STRIP2: variants seen among roughly 807,000 people sequenced by gnomAD.
The protein encoded by STRIP2 is striatin-interacting protein 2.
STRIP2 carries 84 observed loss-of-function variants against 107.1 expected under a neutral mutation model. That is an observed-to-expected ratio of 0.78 (90% CI 0.66 to 0.94). The LOEUF (loss-of-function observed/expected upper bound fraction) is 0.94. Among genes scored for constraint, STRIP2 ranks in the 40% least tolerant of loss-of-function variants. The pLI, the probability that STRIP2 is intolerant of heterozygous loss-of-function variation, is 0.00. For missense variants in STRIP2, 888 were observed against 1,034.2 expected (o/e 0.86, Z 1.94); for synonymous variants, 394 against 400.4 (o/e 0.98, Z 0.19).
At chr7:129,454,554 T>C in intron 7 of STRIP2, 27 bp downstream of exon 7, 1 of 1,452,080 alleles carries the variant, frequency 6.9e-7, no homozygotes, top group African/African-American at 1.4e-5. Flanking sequence ...GAGGAAGGTG[T>C]GGATGGGGTG....
chr7:129,459,811 C>CCT (rs1230543892), intron 12 of STRIP2, among the ~76,000 whole-genome samples: 1 of 152,082 alleles, frequency 6.6e-6, no homozygotes, highest in African/African-American at 2.4e-5. Context: ...ATTTCTTTTT[C>CCT]CTCTTCCCAT....
chr7:129,434,442 T>G lies in STRIP2; in HGVS notation c.-31T>G, dbSNP rs1366065621. Reference sequence around the variant, plus strand: ...TAGGGTCGCCTCCGGCAAAGCGAGCTGAACCCTGAGGGGAGCCGCTGACCA... The same window carrying G: ...TAGGGTCGCCTCCGGCAAAGCGAGCGGAACCCTGAGGGGAGCCGCTGACCA... On this transcript the variant is annotated 5_prime_UTR_variant, in exon 1 of 21. Transcript: ENST00000249344. The G allele has an allele frequency of 6.8e-7, 1 of 1,470,816 alleles. No individual in the cohort carries two copies. Among genetic ancestry groups the G allele is most frequent in the Non-Finnish European group, 9.0e-7 (1 of 1,116,580 alleles). The allele number at this position is 1,470,816 out of a possible 1,614,324, so 91.1% of individuals were successfully genotyped here. A position where few individuals can be genotyped will look rare whatever the true frequency, so the allele number is the denominator to read the frequency against.
chr7:129,439,943 A>C, intron 1 of STRIP2, 79 bp from the exon 2 acceptor site: 1 of 1,137,084 alleles, frequency 8.8e-7, no homozygotes, highest in Non-Finnish European at 1.3e-6. Context: ...GGGGAAGAAG[A>C]TAAATAAGGG....
chr7:129,464,165 TGCTGGATACTA>T (rs1798613421), intron 15 of STRIP2, 24 bp downstream of exon 15: 1 of 1,548,114 alleles, frequency 6.5e-7, no homozygotes, highest in Non-Finnish European at 8.9e-7. Flanking sequence ...CGGGGGCAGC[TGCTGGATACTA>T]GCTGTCTTAT....
At chr7:129,437,847 C>T (rs112936167) in intron 1 of STRIP2, among the ~76,000 whole-genome samples, 3 of 150,442 alleles carry the variant, frequency 2.0e-5, no homozygotes, top group Non-Finnish European at 4.4e-5. Context: ...ACTCTGTCAC[C>T]CAGGCTGGAG....
chr7:129,464,924 A>T (rs1272772433), intron 16 of STRIP2, among the ~76,000 whole-genome samples, 186 bp downstream of exon 16: 1 of 152,110 alleles, frequency 6.6e-6, no homozygotes, highest in Non-Finnish European at 1.5e-5. Flanking sequence ...GAACTGTCCT[A>T]GAAAGGTGCA....
In STRIP2 at chr7:129,464,092, A is replaced by G; in HGVS notation, c.1600A>G (p.Lys534Glu). ...LLAAAPTSKA[K>E]TDSINILADV... ...GGCTGCAGCTCCCACCTCTAAGGCT[A>G]AGACAGACTCTATCAATATCCTGGC... The change falls in exon 15 of 21, where the codon AAG becomes GAG. Residue 534 changes from lysine to glutamate, a missense_variant. Transcript: ENST00000249344. 1 of 1,613,458 alleles carries G rather than the reference A, an allele frequency of 6.2e-7. No individual in the cohort carries two copies. The highest frequency in any genetic ancestry group is 8.5e-7 in the Non-Finnish European group (1 of 1,180,018).
At chr7:129,438,828 A>C (rs1306645140) in intron 1 of STRIP2, among the ~76,000 whole-genome samples, 2 of 152,212 alleles carry the variant, frequency 1.3e-5, no homozygotes, top group Admixed American at 6.5e-5. Flanking sequence ...ATGTACTTAG[A>C]ATTATAATTT....
chr7:129,451,267 A>G (rs971995412), intron 3 of STRIP2, among the ~76,000 whole-genome samples: 2 of 152,070 alleles, frequency 1.3e-5, no homozygotes, highest in Admixed American at 6.6e-5. Flanking sequence ...TTGGGCATGT[A>G]AGACTGGGAA....
intron 4 of STRIP2, among the ~76,000 whole-genome samples, chr7:129,452,223 A>T (rs1349187600): frequency 6.6e-6 from 1 of 152,142 alleles, no homozygotes; most frequent in Non-Finnish European, 1.5e-5. Flanking sequence ...TGCTGTGAGT[A>T]ATTTGGAGAT....
chr7:129,474,614 A>G (rs1038327746), intron 18 of STRIP2, among the ~76,000 whole-genome samples: 2 of 152,038 alleles, frequency 1.3e-5, no homozygotes, highest in African/African-American at 2.4e-5. Context: ...GGTTCAAGCG[A>G]TTCTCCTGCC....
intron 17 of STRIP2, among the ~76,000 whole-genome samples, chr7:129,468,832 G>A (rs925166239): frequency 5.3e-5 from 8 of 152,210 alleles, no homozygotes; most frequent in African/African-American, 1.4e-4. Flanking sequence ...ACCTAGGACA[G>A]CAATGCAGCT....
Position 129,480,824 on chromosome 7 carries a change from T to C in STRIP2, c.1984T>C (p.Phe662Leu), listed in dbSNP as rs140001174. Residue 662 changes from phenylalanine to leucine, a missense_variant, in exon 19 of 21, where the codon TTT (phenylalanine) becomes CTT (leucine). Physicochemically the swap from Phe to Leu is conservative, Grantham distance 22. Coordinates refer to ENST00000249344, the MANE Select transcript of STRIP2 (RefSeq NM_020704.3). The part of the protein sequence containing the change: ...DNSQFCWRNL[F>L]SCINLLRLLN... ...CAGCCAGTTCTGCTGGAGGAACCTC[T>C]TTTCCTGCATCAACCTCCTGAGGCT... 30 of 1,613,926 alleles carry C rather than the reference T, an allele frequency of 1.9e-5. No homozygotes were observed. In the African/African-American group the frequency reaches 4.0e-4, roughly 22 times the overall value.
At chr7:129,470,517 G>A in intron 17 of STRIP2, 132 bp from the exon 18 acceptor site, 1 of 688,310 alleles carries the variant, frequency 1.5e-6, no homozygotes, top group Non-Finnish European at 2.6e-6. Flanking sequence ...CCTCATTTCA[G>A]CTGAGGTCAC....
intron 17 of STRIP2, among the ~76,000 whole-genome samples, chr7:129,468,083 T>A (rs1216581407): frequency 6.6e-6 from 1 of 152,184 alleles, no homozygotes; most frequent in Non-Finnish European, 1.5e-5. Flanking sequence ...CAGGCTTCCC[T>A]GTGAATACAA....
At chr7:129,476,582 C>T (rs1370319868) in intron 18 of STRIP2, among the ~76,000 whole-genome samples, 3 of 151,114 alleles carry the variant, frequency 2.0e-5, no homozygotes, top group South Asian at 2.1e-4. Context: ...CCAGACGGGG[C>T]GGAGGGGCAG....
chr7:129,471,100 C>T (rs1350854573), intron 18 of STRIP2, among the ~76,000 whole-genome samples: 2 of 152,058 alleles, frequency 1.3e-5, no homozygotes, highest in African/African-American at 4.8e-5. Flanking sequence ...TTCTTATTTT[C>T]ATATAGGTAA....
At chr7:129,454,805 A>T (rs1798298744) in intron 7 of STRIP2, among the ~76,000 whole-genome samples, 1 of 152,188 alleles carries the variant, frequency 6.6e-6, no homozygotes, top group South Asian at 2.1e-4. Flanking sequence ...CTCTATCACG[A>T]GTCCCACATG....
At chr7:129,475,486 G>C (rs1176694634) in intron 18 of STRIP2, among the ~76,000 whole-genome samples, 3 of 150,126 alleles carry the variant, frequency 2.0e-5, no homozygotes, top group African/African-American at 4.9e-5. Flanking sequence ...GAGGACCCTG[G>C]GGCCTTCCGC....
Sources: allele counts gnomAD v4.1 joint callset (sites outside exome capture counted in the v4.1 genomes callset), GRCh38; gene constraint gnomAD v4.1.1; transcripts MANE v1.5; gene names NCBI Gene and HGNC (gene_info 2026-07-23, HGNC 2026-07-21).